The following SEPTIN9 variants were observed in gnomAD, a reference collection of about 807,000 sequenced individuals.
SEPTIN9 encodes septin-9.
A neutral mutation model predicts 56.6 loss-of-function variants in SEPTIN9; 13 were observed. The ratio of observed to expected loss-of-function variants is 0.23; its 90% CI spans 0.15 to 0.37. The LOEUF is 0.37. Among genes scored for constraint, SEPTIN9 ranks in the 10% least tolerant of loss-of-function variants. The pLI is 1.00. For synonymous variants in SEPTIN9, 332 were observed against 334.1 expected (o/e 0.99, Z 0.07); for missense variants, 650 against 823.1 (o/e 0.79, Z 2.57).
chr17:77,473,767 C>A (rs1296354579), intron 3 of SEPTIN9, among the ~76,000 whole-genome samples: 1 of 152,106 alleles, frequency 6.6e-6, no homozygotes, highest in Non-Finnish European at 1.5e-5. Context: ...TGTGCCACCA[C>A]TGTTTTCATT....
At chr17:77,301,394 T>TTG (rs56947697) in intron 1 of SEPTIN9, among the ~76,000 whole-genome samples, 7,528 of 142,336 alleles carry the variant, frequency 0.053, 195 homozygotes, top group Non-Finnish European at 0.063. Context: ...GGGAATAGAT[T>TTG]TGTGTGTGTG....
intron 2 of SEPTIN9, among the ~76,000 whole-genome samples, chr17:77,328,004 C>T (rs1367336619): frequency 6.6e-6 from 1 of 151,762 alleles, no homozygotes; most frequent in Non-Finnish European, 1.5e-5. Context: ...CCAGGGTGTC[C>T]CCGTGCCTAG....
rs2037922485 is a variant in SEPTIN9 at position 77,450,468 on chromosome 17, G to A, written c.722-31676G>A. On this transcript the variant is annotated intron_variant, in intron 3 of 11. Coordinates refer to ENST00000427177, the MANE Select transcript of SEPTIN9 (RefSeq NM_001113491.2). This position sits in a 1 kb window ranked among gnomAD's most constrained non-coding sequence, Gnocchi z 6.0. Reference sequence around the variant, plus strand: ...CCAGCCCCCAGCAAGCCCTCGGAACGAGCCCACTCCCAGGCGCTCTCTCCT... The same window carrying A: ...CCAGCCCCCAGCAAGCCCTCGGAACAAGCCCACTCCCAGGCGCTCTCTCCT... The A allele has an allele frequency of 2.0e-6, 2 of 985,214 alleles. No individual in the cohort carries two copies. The highest frequency in any genetic ancestry group is 6.1e-5 in the Admixed American group (1 of 16,264). 61.0% of individuals were successfully genotyped at this position (985,214 alleles called of 1,614,324 possible).
rs1172962313 is a variant in SEPTIN9 at position 77,498,924 on chromosome 17, C to A, written c.*266C>A. 3.5e-6 allele frequency: 2 copies of A among 569,238 alleles called. No individual in the cohort carries two copies. Among genetic ancestry groups the A allele is most frequent in the Non-Finnish European group, 6.7e-6 (2 of 299,066 alleles). 35.3% of individuals were successfully genotyped at this position (569,238 alleles called of 1,614,324 possible). ...CCACTGAATTGACATGACCCTCTGT[C>A]CCCAGGCCTGGCTCCCCGAGGGCTC... On this transcript the variant is annotated 3_prime_UTR_variant, in exon 12 of 12. Coordinates refer to ENST00000427177, the MANE Select transcript of SEPTIN9 (RefSeq NM_001113491.2).
rs950805100 is a variant in SEPTIN9 at position 77,329,588 on chromosome 17, C to G, written c.76+22391C>G. Among the ~76,000 whole-genome samples, 1 of 152,018 alleles carries G rather than the reference C, an allele frequency of 6.6e-6. No homozygotes were observed. Among genetic ancestry groups the G allele is most frequent in the Non-Finnish European group, 1.5e-5 (1 of 68,000 alleles). On this transcript the variant is annotated intron_variant, in intron 2 of 11. Coordinates refer to ENST00000427177, the MANE Select transcript of SEPTIN9 (RefSeq NM_001113491.2). This position sits in a 1 kb window ranked among gnomAD's most constrained non-coding sequence, Gnocchi z 4.3. The stretch of plus-strand genomic sequence containing the variant: ...TGGAGGAGGAAGCACGCTCATCCCT[C>G]GTTCCTTCCTGTTTCGTGGGATGCT...
In SEPTIN9 at chr17:77,343,863, G is replaced by T. The variant is rs554854865; in HGVS notation, c.76+36666G>T. Among the ~76,000 whole-genome samples the T allele has an allele frequency of 3.0e-3, 457 of 152,274 alleles. 1 individual carries two copies. The highest frequency in any genetic ancestry group is 5.4e-3 in the Non-Finnish European group (370 of 68,024). ...GAATGAGAGTGGAGAGATAGAGTTT[G>T]TTTTGCCTTATGCAAGAGGACTCTA... On this transcript the variant is annotated intron_variant, in intron 2 of 11. Transcript: ENST00000427177.
Position 77,281,708 on chromosome 17 carries a change from C to T in SEPTIN9, c.19+154C>T, listed in dbSNP as rs982720933. On this transcript the variant is annotated intron_variant, in intron 1 of 11. Transcript: ENST00000427177. ...GGTCGAGTTCCTCCCAGGACAGGGCCGCTGTCGGGCCGCTTTCGACCTGAG... is the reference window on the plus strand; with the variant it reads ...GGTCGAGTTCCTCCCAGGACAGGGCTGCTGTCGGGCCGCTTTCGACCTGAG... The T allele has an allele frequency of 1.2e-5, 8 of 672,686 alleles. No individual in the cohort carries two copies. The South Asian group carries it at 1.5e-4, about 13-fold the overall frequency. 41.7% of individuals were successfully genotyped at this position (672,686 alleles called of 1,614,324 possible).
Position 77,364,472 on chromosome 17 carries a change from G to A in SEPTIN9, c.77-37587G>A, listed in dbSNP as rs78840473. 0.013 allele frequency among the ~76,000 whole-genome samples: 1,954 copies of A among 152,350 alleles called. 115 individuals are homozygous for A. The East Asian group carries it at 0.19, about 15-fold the overall frequency. On this transcript the variant is annotated intron_variant, in intron 2 of 11. Coordinates refer to ENST00000427177, the MANE Select transcript of SEPTIN9 (RefSeq NM_001113491.2). ...CCACACACATTTGGCTGTGAACGTC[G>A]GTGCCTTTGCACTGGAGCCTCTTTG...
chr17:77,499,194 G>A lies in SEPTIN9; in HGVS notation c.*536G>A, dbSNP rs1482821046. The A allele has an allele frequency of 1.8e-6, 1 of 548,996 alleles. No homozygotes were observed. Among genetic ancestry groups the A allele is most frequent in the Admixed American group, 2.2e-5 (1 of 46,434 alleles). 34.0% of individuals were successfully genotyped at this position (548,996 alleles called of 1,614,324 possible). A position where few individuals can be genotyped will look rare whatever the true frequency, so the allele number is the denominator to read the frequency against. ...ATCACTCAGCCCCTACCCCTGCCCT[G>A]CTCCTAAGGGTAGAAAACTCCAGGG... On this transcript the variant is annotated 3_prime_UTR_variant, in exon 12 of 12. Coordinates refer to ENST00000427177, the MANE Select transcript of SEPTIN9 (RefSeq NM_001113491.2).
chr17:77,371,323 C>T lies in SEPTIN9; in HGVS notation c.77-30736C>T, dbSNP rs1184097373. 1.3e-5 allele frequency among the ~76,000 whole-genome samples: 2 copies of T among 152,182 alleles called. No individual in the cohort carries two copies. The highest frequency in any genetic ancestry group is 1.5e-5 in the Non-Finnish European group (1 of 68,042). On this transcript the variant is annotated intron_variant, in intron 2 of 11. Coordinates refer to ENST00000427177, the MANE Select transcript of SEPTIN9 (RefSeq NM_001113491.2). This position sits in a 1 kb window ranked among gnomAD's most constrained non-coding sequence, Gnocchi z 4.1. ...TTTGGTGAGGCGTGCACCCTGGCGG[C>T]GCTCCCCAGGGAACTAAATATGTTT...
At chr17:77,404,512 T>A (rs1309459360) in intron 3 of SEPTIN9, among the ~76,000 whole-genome samples, 3 of 152,244 alleles carry the variant, frequency 2.0e-5, no homozygotes, top group African/African-American at 7.2e-5. Flanking sequence ...CCTCCCAAAG[T>A]GTTGGGATTA....
chr17:77,373,440 C>A, intron 2 of SEPTIN9: 2 of 1,475,040 alleles, frequency 1.4e-6, no homozygotes, highest in Non-Finnish European at 1.8e-6. Context: ...GGCCCGGGCC[C>A]CGCCGGGGGC....
intron 3 of SEPTIN9, among the ~76,000 whole-genome samples, chr17:77,466,054 T>TCACACACACACA (rs10599395): frequency 9.4e-5 from 12 of 127,478 alleles, no homozygotes; most frequent in African/African-American, 2.7e-4. Context: ...TTCTGGACTG[T>TCACACACACACA]CACACACACA....
intron 3 of SEPTIN9, among the ~76,000 whole-genome samples, chr17:77,448,193 A>T (rs2037817006): frequency 6.6e-6 from 1 of 152,070 alleles, no homozygotes; most frequent in Non-Finnish European, 1.5e-5. Flanking sequence ...CTATCCGAGG[A>T]TGGGCGTGGT....
At chr17:77,478,242 A>G (rs2039304559) in intron 3 of SEPTIN9, among the ~76,000 whole-genome samples, 1 of 152,184 alleles carries the variant, frequency 6.6e-6, no homozygotes, top group African/African-American at 2.4e-5. Context: ...TTAAATTTAA[A>G]TAAAAATAGA....
intron 2 of SEPTIN9, among the ~76,000 whole-genome samples, chr17:77,321,749 A>C (rs549243910): frequency 6.6e-6 from 1 of 152,294 alleles, no homozygotes; most frequent in East Asian, 1.9e-4. Context: ...TGTGCCGCTG[A>C]GCACACCCAG....
chr17:77,407,282 CAAAAAAAAAAAAA>C (rs58585658), intron 3 of SEPTIN9, among the ~76,000 whole-genome samples: 3 of 44,596 alleles, frequency 6.7e-5, no homozygotes, highest in Non-Finnish European at 1.3e-4. Context: ...GACCCTGTCT[CAAAAAAAAAAAAA>C]AAAAAAAAAA....
intron 1 of SEPTIN9, among the ~76,000 whole-genome samples, chr17:77,305,619 C>G (rs886708062): frequency 6.6e-6 from 1 of 151,788 alleles, no homozygotes; most frequent in Middle Eastern, 3.2e-3. Context: ...TCTGGGGGTT[C>G]CCTCCAGCAC....
At position 77,400,568 on chromosome 17, in the gene SEPTIN9, T is replaced by A. The variant is rs1375184403; in HGVS notation, c.77-1491T>A. 1 of 151,898 alleles carries A rather than the reference T, an allele frequency of 6.6e-6. No individual in the cohort carries two copies. Among genetic ancestry groups the A allele is most frequent in the Non-Finnish European group, 1.5e-5 (1 of 68,028 alleles). 9.4% of individuals were successfully genotyped at this position (151,898 alleles called of 1,614,324 possible). A position where few individuals can be genotyped will look rare whatever the true frequency, so the allele number is the denominator to read the frequency against. On this transcript the variant is annotated intron_variant, in intron 2 of 11. Transcript: ENST00000427177. This position sits in a 1 kb window ranked among gnomAD's most constrained non-coding sequence, Gnocchi z 4.1. ...CCTCTTCCCCTCCCCAGTGCCTGAG[T>A]GCATTTGGAGGAAGAGAGACGGGTG...
Sources: gnomAD v4.1 joint callset for allele counts (sites outside exome capture counted in the v4.1 genomes callset) on GRCh38, gnomAD v4.1.1 for gene constraint, Gnocchi (gnomAD v3.1) non-coding constraint, MANE v1.5 for transcripts, NCBI Gene and HGNC (gene_info 2026-07-23, HGNC 2026-07-21) for gene names.